The following IMPG2 variants were observed in gnomAD, a reference collection of about 807,000 sequenced individuals.
IMPG2 encodes the protein IPM 200.
A neutral mutation model predicts 129.2 loss-of-function variants in IMPG2; 91 were observed. That is an observed-to-expected ratio of 0.70 (90% CI 0.59 to 0.84). The LOEUF is 0.84. Among genes scored for constraint, IMPG2 ranks in the 40% least tolerant of loss-of-function variants. IMPG2 has a pLI of 0.00. For missense variants in IMPG2, 1,430 were observed against 1,461.7 expected, an observed-to-expected ratio of 0.98 and a Z score of 0.35; for synonymous variants, 510 against 517.7, an observed-to-expected ratio of 0.99 and a Z score of 0.20.
chr3:101,256,150 AAAG>A (rs1200648959), intron 10 of IMPG2, among the ~76,000 whole-genome samples: 3 of 56,476 alleles, frequency 5.3e-5, no homozygotes, highest in Admixed American at 1.8e-4. Context: ...GAAAGAAAAG[AAAG>A]AAAGAAAGAA....
chr3:101,285,837 T>C (rs1706940567), intron 4 of IMPG2, among the ~76,000 whole-genome samples: 3 of 152,216 alleles, frequency 2.0e-5, no homozygotes, highest in Non-Finnish European at 4.4e-5. Flanking sequence ...TTTTGTAACA[T>C]GGATACATGG....
chr3:101,232,607 GGC>G (rs1263316928), intron 15 of IMPG2, among the ~76,000 whole-genome samples, 172 bp downstream of exon 15: 2 of 151,798 alleles, frequency 1.3e-5, no homozygotes, highest in African/African-American at 2.4e-5. Context: ...TTGAAATTCA[GGC>G]CTGTTAAACA....
intron 2 of IMPG2, among the ~76,000 whole-genome samples, chr3:101,308,622 G>C (rs1707229753): frequency 6.6e-6 from 1 of 152,164 alleles, no homozygotes; most frequent in Non-Finnish European, 1.5e-5. Context: ...TAGGCCTCTG[G>C]GCCTGTTATG....
In IMPG2 at chr3:101,228,850, C is replaced by G; in HGVS notation, c.3660G>C (p.Leu1220Phe). 6.2e-7 allele frequency: 1 copy of G among 1,613,696 alleles called. No homozygotes were observed. ...ACTCAGGATCATTGGCATACAGTTC[C>G]AAAACTCTCATTCTCTCTTGAATTT... The part of the protein sequence containing the change: ...REEIQERMRV[L>F]ELYANDPEFA... The change falls in exon 18 of 19, where the codon TTG (leucine) becomes TTC (phenylalanine). Residue 1220 changes from leucine (L) to phenylalanine (F), a missense_variant. Physicochemically the swap from Leu to Phe is conservative, Grantham distance 22. Coordinates refer to ENST00000193391, the MANE Select transcript of IMPG2 (RefSeq NM_016247.4).
At chr3:101,235,278 G>A (rs1436237244) in intron 14 of IMPG2, among the ~76,000 whole-genome samples, 1 of 152,192 alleles carries the variant, frequency 6.6e-6, no homozygotes, top group East Asian at 1.9e-4. Flanking sequence ...TTGTGCATCT[G>A]TGTTTTGACT....
chr3:101,307,602 C>A (rs1329551786), intron 2 of IMPG2, among the ~76,000 whole-genome samples: 5 of 152,206 alleles, frequency 3.3e-5, no homozygotes. Context: ...ATCATGAAAA[C>A]AGCATGGGGG....
chr3:101,316,915 A>C (rs2058788466), intron 2 of IMPG2, among the ~76,000 whole-genome samples: 2 of 152,142 alleles, frequency 1.3e-5, no homozygotes, highest in Admixed American at 1.3e-4. Flanking sequence ...TACACAAAAC[A>C]CATGCATAAA....
At chr3:101,305,179 A>G (rs1707176219) in intron 2 of IMPG2, among the ~76,000 whole-genome samples, 1 of 152,198 alleles carries the variant, frequency 6.6e-6, no homozygotes, top group South Asian at 2.1e-4. Context: ...TGAACTTTCA[A>G]GCCATAAAAG....
intron 3 of IMPG2, among the ~76,000 whole-genome samples, chr3:101,295,880 A>G (rs1707074534): frequency 6.6e-6 from 1 of 152,142 alleles, no homozygotes; most frequent in African/African-American, 2.4e-5. Context: ...TAATTGGTGT[A>G]TAGGAATGCT....
At chr3:101,319,223 T>G (rs1341966012) in intron 2 of IMPG2, among the ~76,000 whole-genome samples, 1 of 152,124 alleles carries the variant, frequency 6.6e-6, no homozygotes, top group Non-Finnish European at 1.5e-5. Context: ...AATATGTTGT[T>G]GAAATTAATG....
chr3:101,241,534 T>C (rs1706407763), intron 14 of IMPG2, among the ~76,000 whole-genome samples: 1 of 152,084 alleles, frequency 6.6e-6, no homozygotes, highest in Non-Finnish European at 1.5e-5. Context: ...CCATGGGGGC[T>C]ATATGGAGGA....
chr3:101,290,093 G>A (rs919736356), intron 4 of IMPG2, among the ~76,000 whole-genome samples: 11 of 152,142 alleles, frequency 7.2e-5, no homozygotes, highest in Admixed American at 3.3e-4. Context: ...AAAGTTGGAT[G>A]AGGTGACCTC....
At chr3:101,315,924 C>A (rs1280183481) in intron 2 of IMPG2, among the ~76,000 whole-genome samples, 1 of 150,584 alleles carries the variant, frequency 6.6e-6, no homozygotes, top group Non-Finnish European at 1.5e-5. Context: ...ATGGTATTGG[C>A]ATAAAAATAG....
At chr3:101,241,123 T>C (rs1432827825) in intron 14 of IMPG2, among the ~76,000 whole-genome samples, 1 of 152,220 alleles carries the variant, frequency 6.6e-6, no homozygotes, top group East Asian at 1.9e-4. Context: ...ACATTCTCAG[T>C]CCTTGTAAAA....
intron 2 of IMPG2, among the ~76,000 whole-genome samples, chr3:101,310,044 G>A (rs1238372260): frequency 1.3e-5 from 2 of 152,182 alleles, no homozygotes; most frequent in Non-Finnish European, 2.9e-5. Flanking sequence ...AGGAGTATAA[G>A]AGAACTTTCT....
intron 4 of IMPG2, among the ~76,000 whole-genome samples, chr3:101,281,188 G>GA (rs1254290351): frequency 1.3e-5 from 2 of 152,184 alleles, no homozygotes; most frequent in Non-Finnish European, 1.5e-5. Context: ...CGTTATTGGG[G>GA]ATGTAACCGT....
rs1706441611 is a variant in IMPG2 at position 101,243,986 on chromosome 3, C to T, written c.2345G>A (p.Arg782Lys). The T allele has an allele frequency of 4.3e-6, 7 of 1,614,188 alleles. No homozygotes were observed. The highest frequency in any genetic ancestry group is 4.5e-5 in the East Asian group (2 of 44,880). The change falls in exon 13 of 19, where the codon AGA (arginine) becomes AAA (lysine). Residue 782 changes from arginine (R) to lysine (K), a missense_variant. Physicochemically the swap from Arg to Lys is conservative, Grantham distance 26 (BLOSUM62 2). Transcript: ENST00000193391. ...TLWTILPESE[R>K]VWTRTSSLEK... The stretch of plus-strand genomic sequence containing the variant: ...TAGGGAAGAAGTTCTTGTCCAAACT[C>T]TCTCTGATTCTGGCAATATAGTCCA...
At position 101,319,694 on chromosome 3, in the gene IMPG2, C is replaced by G. The variant is rs1263954282; in HGVS notation, c.224G>C (p.Trp75Ser). The change falls in exon 2 of 19, where the codon TGG becomes TCG. Residue 75 changes from tryptophan (W) to serine (S), a missense_variant. Transcript: ENST00000193391. Reference sequence around the variant, plus strand: ...AATAGATCTCCGCCTTCTGATTAACCACTGTCTTTCAGTTTCTCTGCGGTC... The same window carrying G: ...AATAGATCTCCGCCTTCTGATTAACGACTGTCTTTCAGTTTCTCTGCGGTC... Reference protein sequence around the residue: ...PLDRRETERQWLIRRRRSILF... With the variant: ...PLDRRETERQSLIRRRRSILF... 1 of 1,613,720 alleles carries G rather than the reference C, an allele frequency of 6.2e-7. No individual in the cohort carries two copies. Among genetic ancestry groups the G allele is most frequent in the Admixed American group, 1.7e-5 (1 of 59,916 alleles).
At chr3:101,233,757 G>A (rs1706316129) in intron 14 of IMPG2, among the ~76,000 whole-genome samples, 1 of 152,150 alleles carries the variant, frequency 6.6e-6, no homozygotes, top group Admixed American at 6.5e-5. Context: ...ATGGTAATCT[G>A]TGAATGGTAA....
Sources: gnomAD v4.1 joint callset for allele counts (sites outside exome capture counted in the v4.1 genomes callset) on GRCh38, gnomAD v4.1.1 for gene constraint, MANE v1.5 for transcripts, NCBI Gene and HGNC (gene_info 2026-07-23, HGNC 2026-07-21) for gene names.